Variants in ADGRL2 observed in about 807,000 individuals in gnomAD.
The protein encoded by ADGRL2 is adhesion G protein-coupled receptor L2, also known as calcium-independent alpha-latrotoxin receptor 2.
Under a neutral mutation model 157.4 loss-of-function variants are expected in ADGRL2, and 44 were observed. The observed-to-expected ratio is 0.28, with a 90% CI of 0.22 to 0.36. The LOEUF (loss-of-function observed/expected upper bound fraction) is 0.36, where lower values mean the gene tolerates loss of function less well. Among genes scored for constraint, ADGRL2 ranks in the 10% least tolerant of loss-of-function variants. ADGRL2 has a pLI of 1.00. For missense variants in ADGRL2, 1,510 were observed against 1,768.9 expected, an observed-to-expected ratio of 0.85 and a Z score of 2.63; for synonymous variants, 585 against 624.7, an observed-to-expected ratio of 0.94 and a Z score of 0.95.
chr1:81,980,541 T>G (rs1413892974), intron 18 of ADGRL2, among the ~76,000 whole-genome samples: 18 of 151,856 alleles, frequency 1.2e-4, no homozygotes. Context: ...CAGAGTTACC[T>G]TTAAAATATG....
chr1:81,374,237 G>A (rs999072587), intron 1 of ADGRL2, among the ~76,000 whole-genome samples: 15 of 152,076 alleles, frequency 9.9e-5, no homozygotes, highest in South Asian at 2.1e-4. Flanking sequence ...AAGCCCCAAC[G>A]TGACACAATA....
At chr1:81,786,416 A>G (rs1198127414) in intron 2 of ADGRL2, among the ~76,000 whole-genome samples, 2 of 152,106 alleles carry the variant, frequency 1.3e-5, no homozygotes, top group Admixed American at 1.3e-4. Flanking sequence ...TGTCTCTACT[A>G]AAAACACAAA....
rs775916129 is a variant in ADGRL2, at chr1:81,990,542, T to A, written c.3807T>A (p.Phe1269Leu). Reference sequence around the variant, plus strand: ...GACTAAGTCTGAATGATACTGCTTTTGAGAAAATGATCATTTCAGAATTAG... The same window carrying A: ...GACTAAGTCTGAATGATACTGCTTTAGAGAAAATGATCATTTCAGAATTAG... ...DCGLSLNDTA[F>L]EKMIISELVH... The change falls in exon 24 of 24, where the codon TTT (phenylalanine) becomes TTA (leucine). Residue 1269 changes from phenylalanine (F) to leucine (L), a missense_variant. Physicochemically the swap from Phe to Leu is conservative, Grantham distance 22. Coordinates refer to ENST00000686636, the MANE Select transcript of ADGRL2 (RefSeq NM_001366006.2). 5.0e-5 allele frequency: 80 copies of A among 1,614,008 alleles called. 2 individuals are homozygous for A. The South Asian group carries it at 7.1e-4, about 14-fold the overall frequency.
intron 3 of ADGRL2, among the ~76,000 whole-genome samples, chr1:81,669,391 C>T (rs2082819355): frequency 6.6e-6 from 1 of 152,008 alleles, no homozygotes; most frequent in African/African-American, 2.4e-5. Context: ...TGCACTCCAG[C>T]CTGGGCAATG....
At chr1:81,548,214 C>A (rs556581914) in intron 2 of ADGRL2, among the ~76,000 whole-genome samples, 247 of 152,162 alleles carry the variant, frequency 1.6e-3, no homozygotes, top group Non-Finnish European at 2.7e-3. Flanking sequence ...ATGTTCTGTG[C>A]AATTCTCTTC....
At chr1:81,825,926 A>G (rs551242678) in intron 1 of ADGRL2, among the ~76,000 whole-genome samples, 37 of 152,252 alleles carry the variant, frequency 2.4e-4, no homozygotes, top group Admixed American at 2.0e-3. Context: ...ATTTTTGCAG[A>G]TGTTCAGAAA....
At chr1:81,505,516 C>A (rs1253700444) in intron 2 of ADGRL2, among the ~76,000 whole-genome samples, 4 of 150,596 alleles carry the variant, frequency 2.7e-5, no homozygotes, top group African/African-American at 9.9e-5. Flanking sequence ...ACCCTCACTG[C>A]CCTCAAGGAC....
chr1:81,721,781 C>T (rs2084331700), intron 1 of ADGRL2: 3 of 1,369,886 alleles, frequency 2.2e-6, no homozygotes, highest in Non-Finnish European at 2.0e-6. Flanking sequence ...AATGTGCTTC[C>T]TGAGGGAGTG....
At chr1:81,382,577 T>C (rs2076362059) in intron 1 of ADGRL2, among the ~76,000 whole-genome samples, 1 of 152,064 alleles carries the variant, frequency 6.6e-6, no homozygotes, top group Admixed American at 6.5e-5. Flanking sequence ...GAGAAAGTTA[T>C]GAAGCATGGA....
At chr1:81,507,731 T>C (rs1353995268) in intron 2 of ADGRL2, among the ~76,000 whole-genome samples, 1 of 152,310 alleles carries the variant, frequency 6.6e-6, no homozygotes, top group Non-Finnish European at 1.5e-5. Flanking sequence ...AGGGGCTCCA[T>C]TGATGATTGT....
chr1:81,695,642 G>A (rs2149007648), upstream of ADGRL2, among the ~76,000 whole-genome samples: 1 of 152,176 alleles, frequency 6.6e-6, no homozygotes, highest in South Asian at 2.1e-4. Flanking sequence ...CCAATATGGT[G>A]AAACCCCATC....
chr1:81,311,384 A>C (rs1659744856), intron 1 of ADGRL2, among the ~76,000 whole-genome samples: 1 of 152,148 alleles, frequency 6.6e-6, no homozygotes, highest in Non-Finnish European at 1.5e-5. Context: ...CACACAAGTC[A>C]GCCTCTAATT....
intron 2 of ADGRL2, among the ~76,000 whole-genome samples, chr1:81,554,265 G>A (rs1023658821): frequency 2.6e-5 from 4 of 152,140 alleles, no homozygotes; most frequent in South Asian, 2.1e-4. Context: ...GAATGGCCTC[G>A]TCAGCATCAA....
chr1:81,584,320 G>C (rs2080979646), intron 3 of ADGRL2, among the ~76,000 whole-genome samples: 1 of 152,006 alleles, frequency 6.6e-6, no homozygotes, highest in Non-Finnish European at 1.5e-5. Flanking sequence ...AGAGGACTTG[G>C]AACTTAAATG....
intron 1 of ADGRL2, among the ~76,000 whole-genome samples, chr1:81,380,348 T>C (rs1231398111): frequency 6.6e-6 from 1 of 152,252 alleles, no homozygotes; most frequent in Non-Finnish European, 1.5e-5. Context: ...GGGATATTCT[T>C]TTTGAAATAA....
At chr1:81,577,789 A>T (rs1295031075) in intron 2 of ADGRL2, among the ~76,000 whole-genome samples, 1 of 152,232 alleles carries the variant, frequency 6.6e-6, no homozygotes, top group Non-Finnish European at 1.5e-5. Flanking sequence ...TTATTTAAAT[A>T]TTCAATCTTT....
intron 1 of ADGRL2, among the ~76,000 whole-genome samples, chr1:81,385,448 G>C (rs2101077375): frequency 6.6e-6 from 1 of 152,144 alleles, no homozygotes; most frequent in Admixed American, 6.5e-5. Context: ...CACAATTTCT[G>C]GTTACTGTCA....
At chr1:81,386,400 T>A (rs915299905) in intron 1 of ADGRL2, among the ~76,000 whole-genome samples, 1 of 152,196 alleles carries the variant, frequency 6.6e-6, no homozygotes, top group African/African-American at 2.4e-5. Context: ...TGCAGTGTTT[T>A]TTGTATTATG....
Position 81,356,971 on chromosome 1 carries a change from A to AAAAAAAAAAAAG in ADGRL2, c.-302+50464_-302+50465insAAAAAAAAAGAA, listed in dbSNP as rs80327519. On this transcript the variant is annotated intron_variant, in intron 1 of 24. Transcript: ENST00000370721. The stretch of plus-strand genomic sequence containing the variant: ...CCGTCTCAAAAAAAAAAAAAAAAAA[A>AAAAAAAAAAAAG]AAGAAGTTGTTTCCTTTTAAAGCTC... Among the ~76,000 whole-genome samples the AAAAAAAAAAAAG allele has an allele frequency of 5.3e-3, 522 of 99,246 alleles. 8 individuals carry two copies. The highest frequency in any genetic ancestry group is 0.016 in the East Asian group (36 of 2,322). 65.1% of individuals were successfully genotyped at this position (99,246 alleles called of 152,430 possible).
Sources: allele counts gnomAD v4.1 joint callset (sites outside exome capture counted in the v4.1 genomes callset), GRCh38; gene constraint gnomAD v4.1.1; transcripts MANE v1.5; gene names NCBI Gene and HGNC (gene_info 2026-07-23, HGNC 2026-07-21).